Variants in ACTR3C observed in about 807,000 individuals in gnomAD.
ACTR3C encodes actin related protein 3C, also known as actin-related protein 3C.
ACTR3C carries 18 observed loss-of-function variants against 26.3 expected under a neutral mutation model. The ratio of observed to expected loss-of-function variants is 0.68; its 90% confidence interval spans 0.47 to 1.01. The LOEUF (loss-of-function observed/expected upper bound fraction) is 1.01. ACTR3C is among the 50% of genes least tolerant of loss of function. The pLI is 0.00. For synonymous variants in ACTR3C, 55 were observed against 94.5 expected (o/e 0.58, Z 2.42); for missense variants, 184 against 250.7 (o/e 0.73, Z 1.80).
the ACTR3C span, among the ~76,000 whole-genome samples, chr7:149,967,530 G>T: frequency 6.6e-6 from 1 of 152,214 alleles, no homozygotes; most frequent in African/African-American, 2.4e-5. Context: ...GGTGAGGTTG[G>T]GCCCCCTGTT....
At chr7:150,307,441 T>A (rs1795882112) in intron 1 of ACTR3C, among the ~76,000 whole-genome samples, 1 of 152,198 alleles carries the variant, frequency 6.6e-6, no homozygotes, top group Admixed American at 6.5e-5. Context: ...AACTGATCAG[T>A]CGACCTTGTG....
chr7:150,136,451 C>G, the ACTR3C span, among the ~76,000 whole-genome samples: 2 of 152,064 alleles, frequency 1.3e-5, no homozygotes, highest in South Asian at 4.1e-4. Flanking sequence ...AGGTGGATCA[C>G]CTGAGTTCAG....
chr7:150,293,627 G>A (rs1016257614), intron 2 of ACTR3C, among the ~76,000 whole-genome samples: 5 of 152,048 alleles, frequency 3.3e-5, no homozygotes, highest in African/African-American at 9.7e-5. Context: ...TACAACTATA[G>A]GAGTCAAGTT....
chr7:150,178,547 A>G, the ACTR3C span, among the ~76,000 whole-genome samples: 1 of 150,426 alleles, frequency 6.6e-6, no homozygotes, highest in Non-Finnish European at 1.5e-5. Flanking sequence ...GCCTCCCAAA[A>G]TGATGAGATT....
the ACTR3C span, among the ~76,000 whole-genome samples, chr7:149,960,745 C>G: frequency 2.0e-5 from 3 of 152,070 alleles, no homozygotes; most frequent in African/African-American, 7.2e-5. Flanking sequence ...AGGAAGAAAT[C>G]TATGGATGAA....
chr7:149,887,931 C>T, the ACTR3C span, among the ~76,000 whole-genome samples: 2 of 152,326 alleles, frequency 1.3e-5, no homozygotes, highest in African/African-American at 4.8e-5. Context: ...GTAAGAAGTG[C>T]CTTTTGCCTC....
the ACTR3C span, among the ~76,000 whole-genome samples, chr7:150,081,133 G>A: frequency 1.3e-5 from 2 of 151,996 alleles, no homozygotes; most frequent in Non-Finnish European, 2.9e-5. Flanking sequence ...TATTAAATAT[G>A]GAGCCTGGTG....
At chr7:150,165,439 C>T in the ACTR3C span, among the ~76,000 whole-genome samples, 1 of 151,710 alleles carries the variant, frequency 6.6e-6, no homozygotes, top group African/African-American at 2.4e-5. Context: ...CTCAAGGGCT[C>T]TCTGAATTTT....
the ACTR3C span, among the ~76,000 whole-genome samples, chr7:150,019,543 G>T: frequency 6.6e-6 from 1 of 150,470 alleles, no homozygotes; most frequent in Non-Finnish European, 1.5e-5. Context: ...AGTGAGCTGA[G>T]ATCACACCAC....
the ACTR3C span, among the ~76,000 whole-genome samples, chr7:150,042,388 G>A: frequency 1.4e-4 from 20 of 143,922 alleles, no homozygotes; most frequent in East Asian, 4.3e-4. Context: ...GCAAAGGGGG[G>A]AAGAGGGGCT....
chr7:150,049,434 G>A, the ACTR3C span, among the ~76,000 whole-genome samples: 7 of 152,322 alleles, frequency 4.6e-5, no homozygotes, highest in East Asian at 1.9e-4. Flanking sequence ...TGCCCATTCC[G>A]CCGCCTCCTT....
chr7:149,909,646 T>TTGTAAG, the ACTR3C span: 1 of 429,082 alleles, frequency 2.3e-6, no homozygotes. Context: ...AGAGCTTTAC[T>TTGTAAG]TACATGAAGG....
chr7:150,195,970 C>T, the ACTR3C span, among the ~76,000 whole-genome samples: 1 of 152,182 alleles, frequency 6.6e-6, no homozygotes, highest in Non-Finnish European at 1.5e-5. Flanking sequence ...TATCTTTGTT[C>T]TCCTCTTGTG....
chr7:150,258,209 T>C (rs2129609799), intron 6 of ACTR3C, among the ~76,000 whole-genome samples: 1 of 149,194 alleles, frequency 6.7e-6, no homozygotes, highest in East Asian at 1.9e-4. Flanking sequence ...TCAGCCAAAT[T>C]TTCAAATTCA....
At chr7:150,169,698 A>G in the ACTR3C span, among the ~76,000 whole-genome samples, 1 of 150,856 alleles carries the variant, frequency 6.6e-6, no homozygotes, top group African/African-American at 2.5e-5. Flanking sequence ...AGACACAATT[A>G]AGTCATTGAA....
the ACTR3C span, among the ~76,000 whole-genome samples, chr7:150,021,933 G>A: frequency 5.3e-5 from 8 of 151,584 alleles, no homozygotes; most frequent in East Asian, 1.9e-4. Context: ...ATAGGCGTGC[G>A]TGCAAGTGTC....
chr7:150,184,359 G>A, the ACTR3C span, among the ~76,000 whole-genome samples: 1 of 150,798 alleles, frequency 6.6e-6, no homozygotes, highest in Admixed American at 6.6e-5. Flanking sequence ...ATCGCACATG[G>A]CGTTAAAGAA....
At chr7:150,271,089 A>G (rs1834414545) in intron 6 of ACTR3C, among the ~76,000 whole-genome samples, 1 of 141,660 alleles carries the variant, frequency 7.1e-6, no homozygotes, top group South Asian at 2.3e-4. Context: ...GGGCCAATCA[A>G]CGTCAAATGA....
At chr7:150,218,541 A>AG in the ACTR3C span, among the ~76,000 whole-genome samples, 1 of 147,956 alleles carries the variant, frequency 6.8e-6, no homozygotes, top group Admixed American at 6.8e-5. Context: ...GGAACTTAAT[A>AG]GGGGTTTACC....
Sources: allele counts gnomAD v4.1 joint callset (sites outside exome capture counted in the v4.1 genomes callset), GRCh38; gene constraint gnomAD v4.1.1; transcripts MANE v1.5; gene names NCBI Gene and HGNC (gene_info 2026-07-23, HGNC 2026-07-21).